Variants in ZNF385D observed in about 807,000 individuals in gnomAD.
ZNF385D encodes the protein zinc finger protein 659.
A neutral mutation model predicts 35.8 loss-of-function variants in ZNF385D; 15 were observed. The observed-to-expected ratio is 0.42, with a 90% confidence interval of 0.28 to 0.64. The LOEUF is 0.64. ZNF385D is among the 30% of genes least tolerant of loss of function. The pLI is 0.23. For synonymous variants in ZNF385D, 212 were observed against 186.8 expected (o/e 1.13, Z -1.10); for missense variants, 474 against 494.6 (o/e 0.96, Z 0.39).
intron 3 of ZNF385D, among the ~76,000 whole-genome samples, chr3:21,869,682 G>A (rs543575129): frequency 1.4e-3 from 211 of 152,174 alleles, no homozygotes; most frequent in African/African-American, 4.7e-3. Flanking sequence ...AGCTTTTACT[G>A]CAACATAAGA....
At chr3:21,964,412 TAAAA>T (rs60635259) in intron 3 of ZNF385D, among the ~76,000 whole-genome samples, 12,977 of 71,410 alleles carry the variant, frequency 0.18, 2,104 homozygotes, top group African/African-American at 0.44. Context: ...GTCCTTTTTG[TAAAA>T]AAAAAAAAAA....
At chr3:22,169,167 T>C (rs1706524721) in intron 2 of ZNF385D, 1 of 228,366 alleles carries the variant, frequency 4.4e-6, no homozygotes, top group Non-Finnish European at 7.3e-6. Context: ...CTCATTTTAA[T>C]AGATTGCTTT....
intron 3 of ZNF385D, among the ~76,000 whole-genome samples, chr3:22,058,642 T>A (rs1258078998): frequency 6.6e-6 from 1 of 152,218 alleles, no homozygotes; most frequent in Non-Finnish European, 1.5e-5. Context: ...AATTTATTGA[T>A]GCCTAAATGA....
intron 2 of ZNF385D, among the ~76,000 whole-genome samples, chr3:22,191,091 A>T (rs920855024): frequency 6.6e-6 from 1 of 152,302 alleles, no homozygotes; most frequent in South Asian, 2.1e-4. Flanking sequence ...TTAAAAAAAT[A>T]AACATAGGAA....
At position 21,424,360 on chromosome 3, in the gene ZNF385D, G is replaced by A. The variant is rs1575119442; in HGVS notation, c.853-296C>T. On this transcript the variant is annotated intron_variant, in intron 6 of 7. Transcript: ENST00000281523. ...GATGGAGTCTCACTCTGCTACCCAG[G>A]TTGAAGTGCAGTGGCGCCATCTCAG... 3.9e-5 allele frequency among the ~76,000 whole-genome samples: 3 copies of A among 76,300 alleles called. No homozygotes were observed. In the Admixed American group the frequency reaches 5.2e-4, roughly 13 times the overall value. 50.1% of individuals were successfully genotyped at this position (76,300 alleles called of 152,430 possible).
intron 3 of ZNF385D, among the ~76,000 whole-genome samples, chr3:21,854,933 G>C (rs3914315): frequency 0.038 from 5,821 of 151,948 alleles, 384 homozygotes; most frequent in African/African-American, 0.13. Context: ...TCATTAATCT[G>C]ATCTGTAAAT....
intron 3 of ZNF385D, among the ~76,000 whole-genome samples, chr3:22,077,706 ATG>A (rs1700535470): frequency 6.6e-6 from 1 of 152,000 alleles, no homozygotes; most frequent in Non-Finnish European, 1.5e-5. Context: ...TTCTCGGCAG[ATG>A]TTTTAGAGTG....
intron 1 of ZNF385D, among the ~76,000 whole-genome samples, chr3:21,748,382 G>C (rs1266391481): frequency 6.9e-6 from 1 of 145,808 alleles, no homozygotes; most frequent in African/African-American, 2.5e-5. Context: ...GATAGGCTGA[G>C]CCAGGCTATT....
At chr3:22,102,452 A>G (rs981065100) in intron 3 of ZNF385D, among the ~76,000 whole-genome samples, 1 of 152,008 alleles carries the variant, frequency 6.6e-6, no homozygotes, top group African/African-American at 2.4e-5. Flanking sequence ...GCTATGCTAA[A>G]CCAATTCCCT....
At chr3:21,924,923 T>A (rs1407361632) in intron 3 of ZNF385D, among the ~76,000 whole-genome samples, 3 of 152,098 alleles carry the variant, frequency 2.0e-5, no homozygotes, top group East Asian at 1.9e-4. Context: ...GCTACAGTAG[T>A]GTCAGAGGAA....
rs550582248 is a variant in ZNF385D, at chr3:21,681,291, C to T, written c.23-16263G>A. Among the ~76,000 whole-genome samples the T allele has an allele frequency of 8.0e-3, 541 of 67,976 alleles. 2 individuals are homozygous for T. The highest frequency in any genetic ancestry group is 0.014 in the Middle Eastern group (1 of 72). 44.6% of individuals were successfully genotyped at this position (67,976 alleles called of 152,430 possible). A position where few individuals can be genotyped will look rare whatever the true frequency, so the allele number is the denominator to read the frequency against. On this transcript the variant is annotated intron_variant, in intron 1 of 7. Coordinates refer to ENST00000281523, the MANE Select transcript of ZNF385D (RefSeq NM_024697.3). ...TTCAGAAAGCCTATGTGAATATATT[C>T]CATCAGTAAAAAAAAAAAAAAAAAA...
intron 3 of ZNF385D, among the ~76,000 whole-genome samples, chr3:21,889,920 A>G (rs929128437): frequency 1.6e-4 from 24 of 152,052 alleles, no homozygotes; most frequent in African/African-American, 5.5e-4. Context: ...AGTAAGTCCA[A>G]TCTTCACATA....
chr3:22,048,109 T>C (rs1699118555), intron 3 of ZNF385D, among the ~76,000 whole-genome samples: 1 of 152,162 alleles, frequency 6.6e-6, no homozygotes. Flanking sequence ...TACTATTGAA[T>C]TGAGTTCCAT....
chr3:21,933,639 T>G (rs1016227557), intron 3 of ZNF385D, among the ~76,000 whole-genome samples: 2 of 152,178 alleles, frequency 1.3e-5, no homozygotes, highest in East Asian at 3.9e-4. Flanking sequence ...AGAATGAGAA[T>G]CTATATTAAT....
Position 21,608,012 on chromosome 3 carries a change from CT to C in ZNF385D, c.166-43329del, listed in dbSNP as rs368555930. On this transcript the variant is annotated intron_variant, in intron 2 of 7. Coordinates refer to ENST00000281523, the MANE Select transcript of ZNF385D (RefSeq NM_024697.3). Reference sequence around the variant, plus strand: ...ATGAAAAGATGTAATTCTTTTTCTTCTTTTTTTTTTGTTTTTTTTTTTTGAG... The same window carrying C: ...ATGAAAAGATGTAATTCTTTTTCTTCTTTTTTTTTGTTTTTTTTTTTTGAG... Among the ~76,000 whole-genome samples the C allele has an allele frequency of 2.4e-4, 30 of 123,960 alleles. 1 individual carries two copies. In the East Asian group the frequency reaches 4.2e-3, roughly 17 times the overall value. 81.3% of individuals were successfully genotyped at this position (123,960 alleles called of 152,430 possible).
intron 3 of ZNF385D, among the ~76,000 whole-genome samples, chr3:21,833,608 A>G (rs922987292): frequency 6.6e-6 from 1 of 152,194 alleles, no homozygotes; most frequent in Non-Finnish European, 1.5e-5. Context: ...GAACTATGAG[A>G]AAGTAAATTT....
chr3:22,347,119 T>C (rs1309051947), intron 2 of ZNF385D, among the ~76,000 whole-genome samples: 2 of 152,202 alleles, frequency 1.3e-5, no homozygotes, highest in East Asian at 3.8e-4. Context: ...TTTTGCACCA[T>C]ATTGTATGTT....
At chr3:22,025,085 T>C (rs568241863) in intron 3 of ZNF385D, among the ~76,000 whole-genome samples, 1 of 152,158 alleles carries the variant, frequency 6.6e-6, no homozygotes, top group Admixed American at 6.5e-5. Context: ...TGGGGACATG[T>C]GGGAGGACCC....
chr3:22,195,308 T>C (rs1696337408), intron 2 of ZNF385D, among the ~76,000 whole-genome samples: 1 of 151,980 alleles, frequency 6.6e-6, no homozygotes, highest in Non-Finnish European at 1.5e-5. Context: ...ATATATTCTC[T>C]TTGCTGAAGT....
Sources: allele counts gnomAD v4.1 joint callset (sites outside exome capture counted in the v4.1 genomes callset), GRCh38; gene constraint gnomAD v4.1.1; transcripts MANE v1.5; gene names NCBI Gene and HGNC (gene_info 2026-07-23, HGNC 2026-07-21).